MYH2: variants seen among roughly 807,000 people sequenced by gnomAD.
MYH2 encodes myosin heavy chain 2.
MYH2 carries 139 observed loss-of-function variants against 228.1 expected under a neutral mutation model. The ratio of observed to expected loss-of-function variants is 0.61; its 90% confidence interval spans 0.53 to 0.70. The LOEUF is 0.70. MYH2 is among the 30% of genes least tolerant of loss of function. The pLI, the probability that MYH2 is intolerant of heterozygous loss-of-function variation, is 0.00. For missense variants in MYH2, 1,809 were observed against 2,357.5 expected (o/e 0.77, Z 4.82); for synonymous variants, 796 against 871.1 (o/e 0.91, Z 1.52).
chr17:10,540,237 T>C (rs2073534234), intron 11 of MYH2, among the ~76,000 whole-genome samples, 171 bp from the exon 12 acceptor site: 1 of 151,848 alleles, frequency 6.6e-6, no homozygotes, highest in African/African-American at 2.4e-5. Context: ...CACAGAGCAT[T>C]AGAATTATAG....
Position 10,524,800 on chromosome 17 carries a change from G to A in MYH2, c.4928C>T (p.Ala1643Val), listed in dbSNP as rs764696132. The change falls in exon 34 of 40, where the codon GCT (alanine) becomes GTT (valine). Residue 1643 changes from alanine (A) to valine (V), a missense_variant. Coordinates refer to ENST00000245503, the MANE Select transcript of MYH2 (RefSeq NM_017534.6). The surrounding 1 kb of genome is among the most constrained non-coding windows in gnomAD (Gnocchi z 4.7). ...IQLNHANRMA[A>V]EALRNYRNTQ... is the part of the protein sequence containing the mutation. ...GTTCCTGTAGTTCCTCAGGGCCTCA[G>A]CAGCCATGCGGTTGGCATGGTTCAG... 6.2e-7 allele frequency: 1 copy of A among 1,614,184 alleles called. No homozygotes were observed. Among genetic ancestry groups the A allele is most frequent in the East Asian group, 2.2e-5 (1 of 44,862 alleles).
intron 3 of MYH2, 30 bp from the exon 4 acceptor site, chr17:10,547,648 T>C: frequency 6.2e-7 from 1 of 1,614,212 alleles, no homozygotes; most frequent in Non-Finnish European, 8.5e-7. Flanking sequence ...ACCGTTTACA[T>C]TAATTGAGTG....
intron 11 of MYH2, 21 bp from the exon 12 acceptor site, chr17:10,540,087 A>G (rs769022242): frequency 7.4e-6 from 12 of 1,613,774 alleles, no homozygotes; most frequent in Non-Finnish European, 8.5e-6. Flanking sequence ...AACCAATAGG[A>G]TAGCTGTTAG....
In MYH2 at chr17:10,525,300, A is replaced by G; in HGVS notation, c.4586T>C (p.Ile1529Thr). The G allele has an allele frequency of 6.2e-7, 1 of 1,614,126 alleles. No individual in the cohort carries two copies. The highest frequency in any genetic ancestry group is 8.5e-7 in the Non-Finnish European group (1 of 1,180,012). Reference sequence around the variant, plus strand: ...TTTCTTTATTTTCTCCAGTTCATGGATACGTTTCCCTCCTTCTGCAATCTG... The same window carrying G: ...TTTCTTTATTTTCTCCAGTTCATGGGTACGTTTCCCTCCTTCTGCAATCTG... Reference protein sequence around the residue: ...TEQIAEGGKRIHELEKIKKQV... With the variant: ...TEQIAEGGKRTHELEKIKKQV... Residue 1529 changes from isoleucine (I) to threonine (T), a missense_variant, in exon 33 of 40, where the codon ATC becomes ACC. Transcript: ENST00000245503. This position sits in a 1 kb window ranked among gnomAD's most constrained non-coding sequence, Gnocchi z 4.2.
In MYH2 at chr17:10,521,220, A is replaced by G; in HGVS notation, c.*60T>C. ...GAATACACAATAATTACAGAGGGAA[A>G]TGACCAAAGATGTCACATTTTGTGC... On this transcript the variant is annotated 3_prime_UTR_variant, in exon 40 of 40. Coordinates refer to ENST00000245503, the MANE Select transcript of MYH2 (RefSeq NM_017534.6). 6.3e-7 allele frequency: 1 copy of G among 1,587,382 alleles called. No homozygotes were observed. The highest frequency in any genetic ancestry group is 1.1e-5 in the South Asian group (1 of 90,498).
Position 10,521,339 on chromosome 17 carries a change from C to A in MYH2, c.5767G>T (p.Val1923Leu). The change falls in exon 40 of 40, where the codon GTG (valine) becomes TTG (leucine). Residue 1923 changes from valine to leucine, a missense_variant. Physicochemically the swap from Val to Leu is conservative, Grantham distance 32 (BLOSUM62 1). Around this residue, in one of 9 missense-constraint regions of MYH2, gnomAD observed 278 missense variants for 308.5 expected, o/e 0.90. Transcript: ENST00000245503. ...EERADIAESQVNKLRVKSREV... is the reference protein window; with the variant it reads ...EERADIAESQLNKLRVKSREV... ...CGGCTCTTCACCCGCAGTTTGTTCA[C>A]CTGGGACTCAGCAATGTCAGCCCGT... The A allele has an allele frequency of 6.2e-7, 1 of 1,614,142 alleles. No homozygotes were observed. Among genetic ancestry groups the A allele is most frequent in the Non-Finnish European group, 8.5e-7 (1 of 1,180,028 alleles).
intron 18 of MYH2, 36 bp downstream of exon 18, chr17:10,535,242 A>C (rs1289835676): frequency 3.1e-6 from 5 of 1,613,930 alleles, no homozygotes; most frequent in Non-Finnish European, 4.2e-6. Context: ...GAGGTGTGGC[A>C]GTCATCCTTT....
chr17:10,525,829 G>A lies in MYH2; in HGVS notation c.4235C>T (p.Ala1412Val), dbSNP rs758731740. ...GAGGGAAGCACATTTGGCGTTCACA[G>A]CTTCTACATGTTCCTCAGCTGCCTG... Reference protein sequence around the residue: ...RLQAAEEHVEAVNAKCASLEK... With the variant: ...RLQAAEEHVEVVNAKCASLEK... Residue 1412 changes from alanine to valine, a missense_variant, in exon 31 of 40, where the codon GCT becomes GTT. This residue lies in a region of MYH2 where 636 missense variants were observed against 729.9 expected (regional missense o/e 0.87). Coordinates refer to ENST00000245503, the MANE Select transcript of MYH2 (RefSeq NM_017534.6). The surrounding 1 kb of genome is among the most constrained non-coding windows in gnomAD (Gnocchi z 4.2). The A allele has an allele frequency of 6.2e-7, 1 of 1,614,142 alleles. No homozygotes were observed. The highest frequency in any genetic ancestry group is 1.1e-5 in the South Asian group (1 of 91,078).
In MYH2 at chr17:10,524,850, T is replaced by G. The variant is rs2073330392; in HGVS notation, c.4878A>C (p.Gly1626=). ...DAIRLKKKME[G]DLNEMEIQLN... ...GCTGGATTTCCATTTCATTGAGGTC[T>G]CCCTCCATCTTCTTCTTGAGCCTAA... is the stretch of plus-strand genomic sequence containing the variant. Residue 1626 remains glycine, a synonymous_variant, in exon 34 of 40, where the codon GGA becomes GGC. Transcript: ENST00000245503. This position sits in a 1 kb window ranked among gnomAD's most constrained non-coding sequence, Gnocchi z 4.7. 1.9e-6 allele frequency: 3 copies of G among 1,614,132 alleles called. No individual in the cohort carries two copies. The South Asian group carries it at 3.3e-5, about 18-fold the overall frequency.
chr17:10,528,226 A>T (rs2073379256), intron 27 of MYH2, among the ~76,000 whole-genome samples: 1 of 151,974 alleles, frequency 6.6e-6, no homozygotes, highest in Admixed American at 6.6e-5. Context: ...CTTATATTTT[A>T]TGAAAGCTAA....
rs2142290179 is a variant in MYH2 at position 10,523,312 on chromosome 17, T to C, written c.5573A>G (p.Tyr1858Cys). The change falls in exon 38 of 40, where the codon TAC becomes TGC. Residue 1858 changes from tyrosine to cysteine, a missense_variant. Tyr to Cys is a radical substitution (Grantham distance 194). Transcript: ENST00000245503. ...GCTAAAAACTACTGGCTGTACCTGG[T>C]AAGTGAGTTCCTTCACTCGCCTCTC... ...KHERRVKELT[Y>C]QTEEDRKNIL... The C allele has an allele frequency of 6.2e-7, 1 of 1,614,230 alleles. No individual in the cohort carries two copies. The highest frequency in any genetic ancestry group is 2.2e-5 in the East Asian group (1 of 44,888).
Position 10,529,076 on chromosome 17 carries a change from G to A in MYH2, c.3358C>T (p.Arg1120Cys), listed in dbSNP as rs756255059. 20 of 1,614,076 alleles carry A rather than the reference G, an allele frequency of 1.2e-5. No homozygotes were observed. Among genetic ancestry groups the A allele is most frequent in the East Asian group, 2.2e-5 (1 of 44,888 alleles). Residue 1120 changes from arginine (R) to cysteine (C), a missense_variant, in exon 27 of 40, where the codon CGC (arginine) becomes TGC (cysteine). Physicochemically the swap from Arg to Cys is radical, Grantham distance 180 (BLOSUM62 -3). Coordinates refer to ENST00000245503, the MANE Select transcript of MYH2 (RefSeq NM_017534.6). ...LQKKIKELQARIEELEEEIEA... is the reference protein window; with the variant it reads ...LQKKIKELQACIEELEEEIEA... ...ATTTCCTCCTCCAGCTCCTCAATGCGGGCCTGGGAATGGTGGAAAATACAA... is the reference window on the plus strand; with the variant it reads ...ATTTCCTCCTCCAGCTCCTCAATGCAGGCCTGGGAATGGTGGAAAATACAA...
chr17:10,536,703 T>C lies in MYH2; in HGVS notation c.1898-97A>G, dbSNP rs1234386980. 3 of 1,138,438 alleles carry C rather than the reference T, an allele frequency of 2.6e-6. No homozygotes were observed. In the Admixed American group the frequency reaches 5.8e-5, roughly 22 times the overall value. The allele number at this position is 1,138,438 out of a possible 1,614,324, so 70.5% of individuals were successfully genotyped here. On this transcript the variant is annotated intron_variant, in intron 16 of 39. Transcript: ENST00000245503. ...TGTGTTCATCGAGTGGAGCCTTTTT[T>C]CTACCCAGCTGGCCTCTCTGATTGA...
chr17:10,547,138 C>T (rs1438297066), intron 4 of MYH2, among the ~76,000 whole-genome samples: 1 of 152,068 alleles, frequency 6.6e-6, no homozygotes, highest in Non-Finnish European at 1.5e-5. Context: ...TTTATCTTTT[C>T]ACTCTGGATG....
rs770235725 is a variant in MYH2 at position 10,525,422 on chromosome 17, G to T, written c.4537+29C>A. On this transcript the variant is annotated intron_variant, in intron 32 of 39. Transcript: ENST00000245503. The surrounding 1 kb of genome is among the most constrained non-coding windows in gnomAD (Gnocchi z 4.2). The stretch of plus-strand genomic sequence containing the variant: ...TAAGGGAGAGATTCTTCCAAGTTAT[G>T]AATATTATTGAATATGATAGGGACT... 1 of 1,614,022 alleles carries T rather than the reference G, an allele frequency of 6.2e-7. No homozygotes were observed. The highest frequency in any genetic ancestry group is 8.5e-7 in the Non-Finnish European group (1 of 1,179,938).
At position 10,524,470 on chromosome 17, in the gene MYH2, G is replaced by C. The variant is rs202050465; in HGVS notation, c.5171C>G (p.Thr1724Ser). ...DASERVQLLH[T>S]QNTSLINTKK... ...GTTCTTTGTGCTGAATCCCACCTGG[G>C]TGTGCAGTAGCTGAACACGCTCACT... Residue 1724 changes from threonine to serine, a missense_variant, in exon 35 of 40, where the codon ACC becomes AGC. Transcript: ENST00000245503. This position sits in a 1 kb window ranked among gnomAD's most constrained non-coding sequence, Gnocchi z 4.7. 3.7e-6 allele frequency: 6 copies of C among 1,614,156 alleles called. No individual in the cohort carries two copies. The Admixed American group carries it at 1.0e-4, about 27-fold the overall frequency.
intron 17 of MYH2, among the ~76,000 whole-genome samples, chr17:10,535,935 A>G (rs1301028141): frequency 6.6e-6 from 1 of 152,246 alleles, no homozygotes; most frequent in African/African-American, 2.4e-5. Context: ...TTCATTAGCC[A>G]TACTGATGTC....
rs2073355657 is a variant in MYH2 at position 10,526,494 on chromosome 17, G to A, written c.4187+105C>T. The A allele has an allele frequency of 3.2e-6, 5 of 1,549,382 alleles. No homozygotes were observed. In the Admixed American group the frequency reaches 5.0e-5, roughly 16 times the overall value. On this transcript the variant is annotated intron_variant, in intron 30 of 39. Coordinates refer to ENST00000245503, the MANE Select transcript of MYH2 (RefSeq NM_017534.6). ...TGATTGTGACTGGCACATAAAAGCAGATTAATGAGCATTTGTGGACTAATT... is the reference window on the plus strand; with the variant it reads ...TGATTGTGACTGGCACATAAAAGCAAATTAATGAGCATTTGTGGACTAATT...
intron 4 of MYH2, 101 bp downstream of exon 4, chr17:10,547,374 G>C: frequency 6.9e-7 from 1 of 1,443,052 alleles, no homozygotes; most frequent in Non-Finnish European, 9.8e-7. Flanking sequence ...CAATGAAAGT[G>C]AAATGGGTCA....
Sources: allele counts gnomAD v4.1 joint callset (sites outside exome capture counted in the v4.1 genomes callset), GRCh38; gene constraint gnomAD v4.1.1; regional missense constraint gnomAD v4.1.1; non-coding constraint Gnocchi (gnomAD v3.1); transcripts MANE v1.5; gene names NCBI Gene and HGNC (gene_info 2026-07-23, HGNC 2026-07-21).